WDR70: variants seen among roughly 807,000 people sequenced by gnomAD.
The protein encoded by WDR70 is WD repeat domain 70, also known as WD repeat-containing protein 70.
In WDR70, 53 loss-of-function variants were observed where a neutral mutation model predicts 88.6. The ratio of observed to expected loss-of-function variants is 0.60; its 90% CI spans 0.48 to 0.75. The LOEUF is 0.75. Among genes scored for constraint, WDR70 ranks in the 30% least tolerant of loss-of-function variants. WDR70 has a pLI of 0.00. For missense variants in WDR70, 610 were observed against 823.2 expected (o/e 0.74, Z 3.17); for synonymous variants, 280 against 270.0 (o/e 1.04, Z -0.36).
At chr5:37,571,334 A>G (rs1484433129) in intron 9 of WDR70, among the ~76,000 whole-genome samples, 3 of 152,328 alleles carry the variant, frequency 2.0e-5, no homozygotes, top group African/African-American at 4.8e-5. Context: ...GTAATAATCT[A>G]TAATTGGCCA....
chr5:37,749,857 TC>T (rs1748753942), intron 17 of WDR70, among the ~76,000 whole-genome samples: 2 of 150,904 alleles, frequency 1.3e-5, no homozygotes, highest in African/African-American at 4.8e-5. Context: ...ACGCAGTATC[TC>T]CTTTGAAAAA....
chr5:37,623,932 C>T (rs182596840), intron 10 of WDR70, among the ~76,000 whole-genome samples: 13 of 152,134 alleles, frequency 8.5e-5, no homozygotes, highest in Admixed American at 3.9e-4. Context: ...TACATAGTGA[C>T]GAATTGATCC....
At chr5:37,486,369 TCTCG>T (rs909327359) in intron 8 of WDR70, among the ~76,000 whole-genome samples, 30 of 149,530 alleles carry the variant, frequency 2.0e-4, no homozygotes, top group African/African-American at 7.1e-4. Flanking sequence ...TGAGACAGAG[TCTCG>T]CTCTGTCACC....
chr5:37,493,324 T>G (rs755234837), intron 8 of WDR70, among the ~76,000 whole-genome samples: 7 of 152,150 alleles, frequency 4.6e-5, no homozygotes, highest in Non-Finnish European at 8.8e-5. Flanking sequence ...GCATTCCTAA[T>G]GCATTCCTTG....
chr5:37,455,569 A>G (rs1433289803), intron 7 of WDR70, among the ~76,000 whole-genome samples: 3 of 141,862 alleles, frequency 2.1e-5, no homozygotes, highest in Non-Finnish European at 4.6e-5. Context: ...AGTATAGGCT[A>G]TTTAGCTTTG....
At chr5:37,426,947 TA>T (rs1267511363) in intron 5 of WDR70, among the ~76,000 whole-genome samples, 1 of 152,094 alleles carries the variant, frequency 6.6e-6, no homozygotes, top group Non-Finnish European at 1.5e-5. Flanking sequence ...AGCTAATTTT[TA>T]AATTTTTTTT....
At chr5:37,502,983 G>T (rs1215540956) in intron 8 of WDR70, among the ~76,000 whole-genome samples, 6 of 152,054 alleles carry the variant, frequency 3.9e-5, no homozygotes. Context: ...ATTTGGCTGG[G>T]GACAAATACA....
chr5:37,725,185 GTTTTCT>G, intron 16 of WDR70, 135 bp downstream of exon 16: 1 of 691,774 alleles, frequency 1.4e-6, no homozygotes, highest in South Asian at 1.9e-5. Flanking sequence ...TTTTAAAAAT[GTTTTCT>G]TTTTAGTAAC....
At chr5:37,576,161 C>T (rs1743046406) in intron 9 of WDR70, among the ~76,000 whole-genome samples, 1 of 129,832 alleles carries the variant, frequency 7.7e-6, no homozygotes, top group Non-Finnish European at 1.6e-5. Flanking sequence ...CCCTAAAATC[C>T]AGTGGTTTAT....
chr5:37,748,245 A>T (rs1748691510), intron 17 of WDR70, among the ~76,000 whole-genome samples: 1 of 152,084 alleles, frequency 6.6e-6, no homozygotes, highest in African/African-American at 2.4e-5. Context: ...AACATACTAC[A>T]AGGTTACAGT....
intron 5 of WDR70, among the ~76,000 whole-genome samples, chr5:37,427,937 A>G (rs1379234307): frequency 6.6e-6 from 1 of 152,076 alleles, no homozygotes; most frequent in Non-Finnish European, 1.5e-5. Context: ...TTAGTTCTGG[A>G]CAGTGAAATG....
chr5:37,710,992 T>G (rs1368893574), intron 13 of WDR70, among the ~76,000 whole-genome samples: 2 of 151,986 alleles, frequency 1.3e-5, no homozygotes, highest in Non-Finnish European at 2.9e-5. Context: ...TCTGTCCTGG[T>G]TTTTAAACAA....
At chr5:37,526,332 C>T (rs1352375093) in intron 9 of WDR70, among the ~76,000 whole-genome samples, 12 of 152,140 alleles carry the variant, frequency 7.9e-5, no homozygotes, top group East Asian at 1.9e-4. Context: ...GTTCAACATA[C>T]GCACATCAAT....
At position 37,464,575 on chromosome 5, in the gene WDR70, T is replaced by C. The variant is rs560458457; in HGVS notation, c.687-15259T>C. Among the ~76,000 whole-genome samples, 43 of 152,264 alleles carry C rather than the reference T, an allele frequency of 2.8e-4. 1 individual carries two copies. The East Asian group carries it at 7.7e-3, about 27-fold the overall frequency. On this transcript the variant is annotated intron_variant, in intron 7 of 17. Transcript: ENST00000265107. Reference sequence around the variant, plus strand: ...AACAGATAAAAGGAGCATCAACCCCTGGGGTTGAGATACAACATCCAGGGC... The same window carrying C: ...AACAGATAAAAGGAGCATCAACCCCCGGGGTTGAGATACAACATCCAGGGC...
At chr5:37,446,355 C>G (rs569811196) in intron 7 of WDR70, among the ~76,000 whole-genome samples, 3 of 152,246 alleles carry the variant, frequency 2.0e-5, no homozygotes, top group Non-Finnish European at 2.9e-5. Flanking sequence ...GTGAAAATGG[C>G]CATACTGCCC....
intron 9 of WDR70, among the ~76,000 whole-genome samples, chr5:37,554,678 G>GCACGCA (rs1742246267): frequency 6.8e-6 from 1 of 147,670 alleles, no homozygotes; most frequent in Non-Finnish European, 1.5e-5. Context: ...GCACCTGCAC[G>GCACGCA]CACACACACA....
intron 5 of WDR70, among the ~76,000 whole-genome samples, chr5:37,427,508 A>G (rs1023085782): frequency 5.3e-5 from 8 of 152,146 alleles, no homozygotes; most frequent in Non-Finnish European, 8.8e-5. Context: ...AAACACATGC[A>G]CACATGCTTG....
chr5:37,500,730 T>TC lies in WDR70; in HGVS notation c.841-15784_841-15783insC, dbSNP rs1324531113. On this transcript the variant is annotated intron_variant, in intron 8 of 17. Transcript: ENST00000265107. ...ATATTTGTTGGCTTTTTTTTTTTTTTTTTTTTTTTTTTGAGACAGAGTTTC... is the reference window on the plus strand; with the variant it reads ...ATATTTGTTGGCTTTTTTTTTTTTTTCTTTTTTTTTTTTGAGACAGAGTTTC... Among the ~76,000 whole-genome samples the TC allele has an allele frequency of 3.3e-4, 46 of 138,016 alleles. 2 individuals carry two copies. The highest frequency in any genetic ancestry group is 3.2e-5 in the Non-Finnish European group (2 of 63,356). 90.5% of individuals were successfully genotyped at this position (138,016 alleles called of 152,430 possible).
intron 10 of WDR70, among the ~76,000 whole-genome samples, chr5:37,695,003 A>C (rs984389673): frequency 1.3e-5 from 2 of 152,160 alleles, no homozygotes; most frequent in Admixed American, 6.5e-5. Context: ...GAGGCTGCAT[A>C]ATCTATAAAG....
Sources: gnomAD v4.1 joint callset for allele counts (sites outside exome capture counted in the v4.1 genomes callset) on GRCh38, gnomAD v4.1.1 for gene constraint, MANE v1.5 for transcripts, NCBI Gene and HGNC (gene_info 2026-07-23, HGNC 2026-07-21) for gene names.